PDE1A: variants seen among roughly 807,000 people sequenced by gnomAD.
PDE1A encodes the protein phosphodiesterase 1A.
In PDE1A, 35 loss-of-function variants were observed where a neutral mutation model predicts 61.7. That is an observed-to-expected ratio of 0.57 (90% CI 0.43 to 0.75). The LOEUF (loss-of-function observed/expected upper bound fraction) is 0.75, where lower values mean the gene tolerates loss of function less well. PDE1A is among the 30% of genes least tolerant of loss of function. PDE1A has a pLI of 0.00. For missense variants in PDE1A, 597 were observed against 630.6 expected (o/e 0.95, Z 0.57); for synonymous variants, 232 against 213.2 (o/e 1.09, Z -0.77).
chr2:182,186,641 C>A, intron 11 of PDE1A, 53 bp from the exon 12 acceptor site: 1 of 1,537,724 alleles, frequency 6.5e-7, no homozygotes, highest in Non-Finnish European at 8.8e-7. Flanking sequence ...GTTACAATTT[C>A]CTGAATTCTG....
intron 2 of PDE1A, among the ~76,000 whole-genome samples, chr2:182,452,522 G>T (rs1397506177): frequency 1.3e-5 from 2 of 152,016 alleles, no homozygotes; most frequent in African/African-American, 4.8e-5. Context: ...TTCATGATTT[G>T]TTCAGTTTAA....
chr2:182,145,133 A>G (rs1024482692), downstream of PDE1A, among the ~76,000 whole-genome samples: 2 of 152,238 alleles, frequency 1.3e-5, no homozygotes, highest in African/African-American at 4.8e-5. Context: ...TTGAGTAAAG[A>G]TATTCCAACA....
chr2:182,145,047 T>C (rs903558788), downstream of PDE1A, among the ~76,000 whole-genome samples: 9 of 152,170 alleles, frequency 5.9e-5, no homozygotes, highest in African/African-American at 1.2e-4. Flanking sequence ...CCTCCTGTTG[T>C]TTTTAGACCT....
the PDE1A span, among the ~76,000 whole-genome samples, chr2:182,585,376 G>T: frequency 1.3e-5 from 2 of 152,140 alleles, no homozygotes; most frequent in Admixed American, 1.3e-4. Flanking sequence ...CTCAATCAGA[G>T]ATTTCTCCAT....
At chr2:182,555,623 A>G in the PDE1A span, among the ~76,000 whole-genome samples, 4 of 152,170 alleles carry the variant, frequency 2.6e-5, no homozygotes, top group African/African-American at 9.6e-5. Context: ...AAAATGTTTG[A>G]AATGTCATTA....
At chr2:182,186,141 C>T in intron 12 of PDE1A, 62 bp from the exon 13 acceptor site, 1 of 1,553,340 alleles carries the variant, frequency 6.4e-7, no homozygotes, top group South Asian at 1.2e-5. Context: ...ACAAGGAAAA[C>T]CTGAAAAACT....
At chr2:182,387,475 A>G (rs1266896164) in intron 1 of PDE1A, among the ~76,000 whole-genome samples, 1 of 151,898 alleles carries the variant, frequency 6.6e-6, no homozygotes, top group Non-Finnish European at 1.5e-5. Flanking sequence ...AGAGAGAGAG[A>G]GGTTGGGTGT....
At chr2:182,673,343 A>G in the PDE1A span, among the ~76,000 whole-genome samples, 2 of 152,218 alleles carry the variant, frequency 1.3e-5, no homozygotes, top group Non-Finnish European at 2.9e-5. Flanking sequence ...ATCAAAAGGT[A>G]TAAGTGTTGA....
chr2:182,529,575 A>C, the PDE1A span, among the ~76,000 whole-genome samples: 3 of 152,176 alleles, frequency 2.0e-5, no homozygotes. Context: ...ATTGATTTTG[A>C]AAAGTGAGAC....
the PDE1A span, among the ~76,000 whole-genome samples, chr2:182,643,654 A>G: frequency 4.6e-5 from 7 of 152,198 alleles, no homozygotes; most frequent in African/African-American, 1.7e-4. Context: ...CTCTCACCAG[A>G]ACTATTAGCA....
At chr2:182,523,249 G>GT (rs999021945), upstream of PDE1A, 2 of 152,056 alleles carry the variant, frequency 1.3e-5, no homozygotes, top group African/African-American at 4.8e-5. Context: ...GTGTGTGTGT[G>GT]TTTTTTGAAG....
chr2:182,529,603 G>A, the PDE1A span, among the ~76,000 whole-genome samples: 2 of 152,108 alleles, frequency 1.3e-5, no homozygotes, highest in Admixed American at 6.5e-5. Flanking sequence ...TTTGGGAGGG[G>A]GCCAGGAGCG....
intron 6 of PDE1A, among the ~76,000 whole-genome samples, chr2:182,226,277 A>G (rs1689135529): frequency 6.7e-6 from 1 of 149,966 alleles, no homozygotes; most frequent in South Asian, 2.1e-4. Context: ...TGACTCATAA[A>G]TATTTACAAT....
intron 1 of PDE1A, among the ~76,000 whole-genome samples, chr2:182,270,904 C>T (rs371011058): frequency 6.6e-6 from 1 of 151,572 alleles, no homozygotes; most frequent in African/African-American, 2.4e-5. Flanking sequence ...TTCTGCAGGT[C>T]GATGCTCAGG....
At chr2:182,173,703 C>T (rs147441828) in intron 13 of PDE1A, among the ~76,000 whole-genome samples, 3 of 151,232 alleles carry the variant, frequency 2.0e-5, no homozygotes, top group African/African-American at 7.3e-5. Flanking sequence ...TTGTTTTCCT[C>T]TGATTATTTG....
intron 1 of PDE1A, among the ~76,000 whole-genome samples, chr2:182,391,147 T>C (rs1250408939): frequency 6.6e-6 from 1 of 151,758 alleles, no homozygotes; most frequent in Non-Finnish European, 1.5e-5. Context: ...GAGATAATGG[T>C]GGAAAGAATA....
chr2:182,244,055 CG>C (rs1354388552), intron 2 of PDE1A, among the ~76,000 whole-genome samples: 1 of 151,894 alleles, frequency 6.6e-6, no homozygotes, highest in Non-Finnish European at 1.5e-5. Flanking sequence ...TTAGTAGAGA[CG>C]GGGTTTCTCC....
chr2:182,444,871 G>A (rs1274140347), intron 2 of PDE1A, among the ~76,000 whole-genome samples: 2 of 152,028 alleles, frequency 1.3e-5, no homozygotes, highest in East Asian at 3.9e-4. Flanking sequence ...ATAGAACAAG[G>A]AAAAAGAACT....
downstream of PDE1A, chr2:182,146,952 T>G (rs931443803): frequency 1.9e-6 from 1 of 535,820 alleles, no homozygotes. Context: ...GGAGGGCATT[T>G]AAATAAGAAA....
Sources: allele counts gnomAD v4.1 joint callset (sites outside exome capture counted in the v4.1 genomes callset), GRCh38; gene constraint gnomAD v4.1.1; transcripts MANE v1.5; gene names NCBI Gene and HGNC (gene_info 2026-07-23, HGNC 2026-07-21).